CFAP74: variants seen among roughly 807,000 people sequenced by gnomAD.
CFAP74 encodes cilia and flagella associated protein 74, also known as cilia- and flagella-associated protein 74.
In CFAP74, 124 loss-of-function variants were observed where a neutral mutation model predicts 188.9. That is an observed-to-expected ratio of 0.66 (90% CI 0.57 to 0.76). The LOEUF (loss-of-function observed/expected upper bound fraction) is 0.76, where lower values mean the gene tolerates loss of function less well. CFAP74 is among the 30% of genes least tolerant of loss of function. The pLI is 0.00. For missense variants in CFAP74, 2,198 were observed against 2,165.2 expected, an observed-to-expected ratio of 1.02 and a Z score of -0.30; for synonymous variants, 956 against 916.7, an observed-to-expected ratio of 1.04 and a Z score of -0.77.
chr1:2,002,470 C>G (rs931504500), intron 1 of CFAP74, among the ~76,000 whole-genome samples: 16 of 151,394 alleles, frequency 1.1e-4, no homozygotes, highest in Non-Finnish European at 1.5e-4. Context: ...CATTTGAGAT[C>G]AGGAGTTCAA....
chr1:1,976,041 C>T (rs1208844801), intron 6 of CFAP74, among the ~76,000 whole-genome samples: 1 of 152,236 alleles, frequency 6.6e-6, no homozygotes, highest in African/African-American at 2.4e-5. Flanking sequence ...CCTATGAAAG[C>T]CTGTTCCTCA....
At chr1:1,971,116 CAT>C (rs1296051732) in intron 9 of CFAP74, among the ~76,000 whole-genome samples, 3 of 147,790 alleles carry the variant, frequency 2.0e-5, no homozygotes, top group Admixed American at 1.3e-4. Flanking sequence ...TGTGCACACA[CAT>C]GCTCACACGT....
At position 1,988,717 on chromosome 1, in the gene CFAP74, G is replaced by A. The variant is rs565134724; in HGVS notation, c.153-62C>T. On this transcript the variant is annotated intron_variant, in intron 3 of 38. Transcript: ENST00000682832. ...GCTGCAGGCTCAGAACTCATTCCTC[G>A]GTGTGGCTGCCGGGGTAGGTGCCTG... 2.8e-5 allele frequency: 44 copies of A among 1,588,662 alleles called. 1 individual carries two copies. The highest frequency in any genetic ancestry group is 3.6e-4 in the Middle Eastern group (2 of 5,502).
intron 1 of CFAP74, among the ~76,000 whole-genome samples, chr1:1,994,805 G>T (rs950209279): frequency 6.6e-6 from 1 of 152,144 alleles, no homozygotes; most frequent in Non-Finnish European, 1.5e-5. Flanking sequence ...AGCCACCTCT[G>T]ATCTCTCCTG....
chr1:1,931,487 A>G (rs1652370880), intron 25 of CFAP74, among the ~76,000 whole-genome samples: 1 of 146,982 alleles, frequency 6.8e-6, no homozygotes, highest in Non-Finnish European at 1.5e-5. Context: ...CTGTAATCCC[A>G]ACACTTTAGG....
At chr1:1,960,106 G>C (rs763329240) in intron 14 of CFAP74, 76 bp from the exon 15 acceptor site, 1 of 1,307,252 alleles carries the variant, frequency 7.6e-7, no homozygotes, top group Admixed American at 2.0e-5. Flanking sequence ...CCAGAGCACA[G>C]TCAGGCTGGG....
At chr1:1,922,785 TA>T in intron 37 of CFAP74, 62 bp from the exon 38 acceptor site, 1 of 1,564,136 alleles carries the variant, frequency 6.4e-7, no homozygotes, top group Non-Finnish European at 8.6e-7. Flanking sequence ...GCAGTGGGAC[TA>T]GGGGTGAGGG....
chr1:1,970,862 C>G (rs779971348), intron 9 of CFAP74, 46 bp from the exon 10 acceptor site: 2 of 1,606,454 alleles, frequency 1.2e-6, no homozygotes, highest in Non-Finnish European at 8.5e-7. Context: ...CACCCACGGG[C>G]ACATGCACAC....
At chr1:1,993,897 G>C (rs1469290377) in intron 1 of CFAP74, among the ~76,000 whole-genome samples, 3 of 151,048 alleles carry the variant, frequency 2.0e-5, no homozygotes, top group South Asian at 2.1e-4. Flanking sequence ...CAGGAGAATG[G>C]CGTGAACCCG....
intron 16 of CFAP74, among the ~76,000 whole-genome samples, chr1:1,957,300 C>T (rs556132204): frequency 1.3e-4 from 20 of 152,316 alleles, no homozygotes; most frequent in East Asian, 5.8e-4. Flanking sequence ...GGCCCCTCCT[C>T]GGGAGGCTTT....
chr1:1,959,045 G>A (rs1373503536), intron 16 of CFAP74, 75 bp downstream of exon 16: 1 of 1,002,006 alleles, frequency 1.0e-6, no homozygotes. Context: ...CCCCCTCCCA[G>A]GAGATGCCGT....
rs1328434974 is a variant in CFAP74 at position 1,930,113 on chromosome 1, G to A, written c.3235C>T (p.Pro1079Ser). 14 of 1,534,878 alleles carry A rather than the reference G, an allele frequency of 9.1e-6. No homozygotes were observed. The highest frequency in any genetic ancestry group is 2.4e-5 in the East Asian group (1 of 40,900). Residue 1079 changes from proline (P) to serine (S), a missense_variant, in exon 26 of 39, where the codon CCA becomes TCA. Transcript: ENST00000682832. ...GPTSFEFLLP[P>S]DSPITISPSV... The stretch of plus-strand genomic sequence containing the variant: ...GGCGAGATGGTGATAGGCGAGTCTG[G>A]GGGCAGCAGGAACTCGAAAGACGTG...
chr1:1,969,760 G>C (rs979320422), intron 10 of CFAP74, among the ~76,000 whole-genome samples: 1 of 152,098 alleles, frequency 6.6e-6, no homozygotes, highest in African/African-American at 2.4e-5. Context: ...CGTGACTCAG[G>C]GGGGTGGGGA....
chr1:1,932,482 G>T (rs1652493002), intron 25 of CFAP74, among the ~76,000 whole-genome samples: 1 of 151,860 alleles, frequency 6.6e-6, no homozygotes, highest in Admixed American at 6.6e-5. Context: ...TGATCCTCCT[G>T]TTTCAGCTTC....
In CFAP74 at chr1:1,959,164, C is replaced by T. The variant is rs753826897; in HGVS notation, c.1807G>A (p.Gly603Ser). 4 of 1,613,300 alleles carry T rather than the reference C, an allele frequency of 2.5e-6. No homozygotes were observed. The highest frequency in any genetic ancestry group is 2.2e-5 in the South Asian group (2 of 91,068). Residue 603 changes from glycine to serine, a missense_variant, in exon 16 of 39, where the codon GGC (glycine) becomes AGC (serine). Coordinates refer to ENST00000682832, the MANE Select transcript of CFAP74 (RefSeq NM_001304360.2). Reference sequence around the variant, plus strand: ...CATTTCAGTGGAACTGAAAACTCGCCCGTCTGAGCCAAAAATGAGATATTT... The same window carrying T: ...CATTTCAGTGGAACTGAAAACTCGCTCGTCTGAGCCAAAAATGAGATATTT... ...EGNISFLAQT[G>S]EFSVPLKCST...
chr1:1,982,194 G>A (rs149403077), intron 6 of CFAP74, among the ~76,000 whole-genome samples: 16 of 78,398 alleles, frequency 2.0e-4, no homozygotes, highest in East Asian at 4.3e-4. Flanking sequence ...ACGGGGACAC[G>A]CAGGACACCC....
At chr1:1,931,036 C>T (rs1301237794) in intron 25 of CFAP74, among the ~76,000 whole-genome samples, 1 of 152,176 alleles carries the variant, frequency 6.6e-6, no homozygotes. Context: ...GACAATACTC[C>T]TATCACATTT....
chr1:1,928,003 C>T, intron 27 of CFAP74: 1 of 508,090 alleles, frequency 2.0e-6, no homozygotes, highest in Non-Finnish European at 3.6e-6. Context: ...AGGAGGCGGC[C>T]AGAACCGGGG....
At chr1:1,925,680 C>T in intron 33 of CFAP74, 103 bp downstream of exon 33, 7 of 1,322,998 alleles carry the variant, frequency 5.3e-6, no homozygotes, top group Non-Finnish European at 7.2e-6. Flanking sequence ...TCCCCACGGG[C>T]TCTCCGACCC....
Sources: allele counts gnomAD v4.1 joint callset (sites outside exome capture counted in the v4.1 genomes callset), GRCh38; gene constraint gnomAD v4.1.1; transcripts MANE v1.5; gene names NCBI Gene and HGNC (gene_info 2026-07-23, HGNC 2026-07-21).